CNTNAP4: variants seen among roughly 807,000 people sequenced by gnomAD.
CNTNAP4 encodes the protein contactin associated protein family member 4, also known as contactin-associated protein-like 4.
Under a neutral mutation model 148.4 loss-of-function variants are expected in CNTNAP4, and 98 were observed. The observed-to-expected ratio is 0.66, with a 90% CI of 0.56 to 0.78. The LOEUF (loss-of-function observed/expected upper bound fraction) is 0.78. CNTNAP4 is among the 30% of genes least tolerant of loss of function. CNTNAP4 has a pLI of 0.00. For missense variants in CNTNAP4, 1,935 were observed against 1,565.6 expected, an observed-to-expected ratio of 1.24 and a Z score of -3.98; for synonymous variants, 730 against 565.1, an observed-to-expected ratio of 1.29 and a Z score of -4.14.
At chr16:76,410,707 T>C (rs1274193394) in intron 3 of CNTNAP4, among the ~76,000 whole-genome samples, 3 of 151,686 alleles carry the variant, frequency 2.0e-5, no homozygotes, top group Non-Finnish European at 1.5e-5. Flanking sequence ...ATTATGTGAC[T>C]AAATTGTACA....
intron 1 of CNTNAP4, among the ~76,000 whole-genome samples, chr16:76,290,963 G>T (rs1959090167): frequency 6.6e-6 from 1 of 152,048 alleles, no homozygotes; most frequent in Non-Finnish European, 1.5e-5. Context: ...TGTGCACATG[G>T]GAGAGAGAGA....
At chr16:76,532,387 C>T (rs764176637) in intron 17 of CNTNAP4, among the ~76,000 whole-genome samples, 1 of 152,064 alleles carries the variant, frequency 6.6e-6, no homozygotes, top group Admixed American at 6.6e-5. Flanking sequence ...TCTCTATGCC[C>T]CTAGTTTCCC....
At chr16:76,508,962 A>C (rs1329063978) in intron 15 of CNTNAP4, among the ~76,000 whole-genome samples, 1 of 95,520 alleles carries the variant, frequency 1.0e-5, no homozygotes, top group African/African-American at 2.6e-5. Flanking sequence ...CATGTTAGCC[A>C]GGATGGTCTC....
chr16:76,502,286 G>A lies in CNTNAP4; in HGVS notation c.2365+3592G>A, dbSNP rs187655100. Among the ~76,000 whole-genome samples the A allele has an allele frequency of 4.6e-3, 697 of 152,074 alleles. 4 individuals carry two copies. Among genetic ancestry groups the A allele is most frequent in the African/African-American group, 0.016 (668 of 41,472 alleles). ...TGAAGCGTTCTTTATTTTCTCAGTT[G>A]GATGAGCAGTGGCTTCAGAACAGCG... On this transcript the variant is annotated intron_variant, in intron 15 of 23. Coordinates refer to ENST00000611870, the MANE Select transcript of CNTNAP4 (RefSeq NM_033401.5).
intron 17 of CNTNAP4, among the ~76,000 whole-genome samples, chr16:76,522,692 T>TGTC (rs1411256169): frequency 1.0e-4 from 1 of 9,920 alleles, no homozygotes; most frequent in Non-Finnish European, 1.7e-4. Flanking sequence ...CTCTCCTTTC[T>TGTC]TTTCTTTTCT....
chr16:76,553,023 C>T (rs1446874502), intron 21 of CNTNAP4, among the ~76,000 whole-genome samples: 1 of 152,140 alleles, frequency 6.6e-6, no homozygotes, highest in African/African-American at 2.4e-5. Flanking sequence ...TAACCTGACC[C>T]ATTCTTATGC....
intron 3 of CNTNAP4, among the ~76,000 whole-genome samples, chr16:76,368,713 C>G (rs111632925): frequency 0.035 from 5,327 of 152,064 alleles, 299 homozygotes; most frequent in African/African-American, 0.12. Context: ...AGGAGAAATA[C>G]CTAATGTAGA....
chr16:76,433,371 G>T (rs62052984), intron 4 of CNTNAP4, among the ~76,000 whole-genome samples: 50,545 of 152,000 alleles, frequency 0.33, 10,294 homozygotes, highest in Non-Finnish European at 0.43. Flanking sequence ...CTTCAATGCA[G>T]ACAGTTGAAG....
At chr16:76,554,559 C>G (rs1213637666) in intron 23 of CNTNAP4, among the ~76,000 whole-genome samples, 1 of 151,598 alleles carries the variant, frequency 6.6e-6, no homozygotes, top group African/African-American at 2.4e-5. Flanking sequence ...TATTTTTTTT[C>G]AAAAGCAACT....
intron 3 of CNTNAP4, among the ~76,000 whole-genome samples, chr16:76,362,787 T>C (rs141430698): frequency 1.3e-3 from 204 of 152,290 alleles, no homozygotes; most frequent in African/African-American, 4.2e-3. Context: ...ATCAAAAAAC[T>C]ACCTGTGAGG....
chr16:76,539,799 G>C lies in CNTNAP4; in HGVS notation c.3301G>C (p.Gly1101Arg), dbSNP rs2084371064. Residue 1101 changes from glycine to arginine, a missense_variant, in exon 20 of 24, where the codon GGA (glycine) becomes CGA (arginine). Gly to Arg is a moderately radical substitution (Grantham distance 125). Coordinates refer to ENST00000611870, the MANE Select transcript of CNTNAP4 (RefSeq NM_033401.5). ...CTTTGATTTTAAAAACATGGCTGATGGACAACTTCACCACATAATGATTAA... is the reference window on the plus strand; with the variant it reads ...CTTTGATTTTAAAAACATGGCTGATCGACAACTTCACCACATAATGATTAA... ...VNFDFKNMAD[G>R]QLHHIMINRE... 6.2e-7 allele frequency: 1 copy of C among 1,603,384 alleles called. No homozygotes were observed. Among genetic ancestry groups the C allele is most frequent in the South Asian group, 1.1e-5 (1 of 89,534 alleles).
intron 1 of CNTNAP4, among the ~76,000 whole-genome samples, chr16:76,301,042 C>G (rs1959908521): frequency 6.6e-6 from 1 of 151,656 alleles, no homozygotes; most frequent in Non-Finnish European, 1.5e-5. Flanking sequence ...TTTATAGGAA[C>G]TAACATGGAA....
chr16:76,526,702 C>G (rs2083748699), intron 17 of CNTNAP4, among the ~76,000 whole-genome samples: 3 of 152,090 alleles, frequency 2.0e-5, no homozygotes, highest in Admixed American at 1.3e-4. Context: ...GAGACAGAGT[C>G]TCACTATGTC....
At chr16:76,341,322 G>A (rs995226179) in intron 2 of CNTNAP4, among the ~76,000 whole-genome samples, 11 of 152,092 alleles carry the variant, frequency 7.2e-5, no homozygotes, top group African/African-American at 2.7e-4. Context: ...GTGTTCCATT[G>A]AAATGTACAA....
chr16:76,346,673 AACT>A (rs991350764), intron 2 of CNTNAP4, among the ~76,000 whole-genome samples: 2 of 152,138 alleles, frequency 1.3e-5, no homozygotes, highest in African/African-American at 4.8e-5. Context: ...ATTTTTCCAA[AACT>A]ACTAGTTTGA....
chr16:76,486,218 C>T (rs2082020040), intron 12 of CNTNAP4, among the ~76,000 whole-genome samples: 1 of 152,194 alleles, frequency 6.6e-6, no homozygotes, highest in South Asian at 2.1e-4. Flanking sequence ...TACCCTACCA[C>T]TCTTTTTGCA....
At chr16:76,356,609 TG>T (rs1333630866) in intron 3 of CNTNAP4, among the ~76,000 whole-genome samples, 1 of 152,158 alleles carries the variant, frequency 6.6e-6, no homozygotes, top group Admixed American at 6.5e-5. Flanking sequence ...GGATCTTATG[TG>T]GGCTAAGAAC....
At chr16:76,317,718 T>C (rs1961948773) in intron 2 of CNTNAP4, among the ~76,000 whole-genome samples, 1 of 150,644 alleles carries the variant, frequency 6.6e-6, no homozygotes, top group Non-Finnish European at 1.5e-5. Flanking sequence ...AGTGTGTGTG[T>C]GTGTGTGTAT....
intron 15 of CNTNAP4, among the ~76,000 whole-genome samples, chr16:76,503,083 C>A (rs1277328086): frequency 6.6e-6 from 1 of 152,036 alleles, no homozygotes; most frequent in Non-Finnish European, 1.5e-5. Flanking sequence ...AATCAACTAG[C>A]AAACTAGGAA....
Sources: allele counts gnomAD v4.1 joint callset (sites outside exome capture counted in the v4.1 genomes callset), GRCh38; gene constraint gnomAD v4.1.1; transcripts MANE v1.5; gene names NCBI Gene and HGNC (gene_info 2026-07-23, HGNC 2026-07-21).